The following DOCK1 variants were observed in gnomAD, a reference collection of about 807,000 sequenced individuals.
DOCK1 encodes the protein dedicator of cytokinesis protein 1.
DOCK1 carries 138 observed loss-of-function variants against 262.7 expected under a neutral mutation model. The ratio of observed to expected loss-of-function variants is 0.53; its 90% confidence interval spans 0.46 to 0.61. DOCK1 has a LOEUF of 0.61. Among genes scored for constraint, DOCK1 ranks in the 20% least tolerant of loss-of-function variants. DOCK1 has a pLI of 0.00. For missense variants in DOCK1, 1,908 were observed against 2,370.7 expected (o/e 0.80, Z 4.05); for synonymous variants, 866 against 867.4 (o/e 1.00, Z 0.03).
chr10:126,924,537 A>G (rs1418530080), intron 1 of DOCK1, among the ~76,000 whole-genome samples: 1 of 152,084 alleles, frequency 6.6e-6, no homozygotes, highest in African/African-American at 2.4e-5. Flanking sequence ...GCCTTAAAAA[A>G]GGCAAACGGC....
At chr10:127,120,791 G>T (rs2049508803) in intron 25 of DOCK1, among the ~76,000 whole-genome samples, 1 of 152,156 alleles carries the variant, frequency 6.6e-6, no homozygotes, top group African/African-American at 2.4e-5. Context: ...GATTTCACAT[G>T]CTCAGAAGTT....
At chr10:127,189,250 T>C (rs184585864) in intron 27 of DOCK1, among the ~76,000 whole-genome samples, 20 of 152,368 alleles carry the variant, frequency 1.3e-4, no homozygotes, top group African/African-American at 4.8e-4. Context: ...TCACTGACTC[T>C]TCAGATACAG....
At chr10:127,132,846 G>T (rs2050406416) in intron 27 of DOCK1, among the ~76,000 whole-genome samples, 1 of 152,140 alleles carries the variant, frequency 6.6e-6, no homozygotes, top group African/African-American at 2.4e-5. Context: ...TCTTTGGCCT[G>T]GATACACACG....
intron 47 of DOCK1, among the ~76,000 whole-genome samples, chr10:127,427,066 T>C (rs1162098654): frequency 6.6e-6 from 1 of 152,146 alleles, no homozygotes; most frequent in Non-Finnish European, 1.5e-5. Context: ...GCTCGGGAAC[T>C]GTGGAGACAC....
At chr10:127,328,972 G>A (rs11017345) in intron 29 of DOCK1, among the ~76,000 whole-genome samples, 7,328 of 151,300 alleles carry the variant, frequency 0.048, 214 homozygotes, top group Non-Finnish European at 0.072. Flanking sequence ...AACCACAATA[G>A]AAAAGAAAAA....
chr10:127,107,295 A>C (rs554224914), intron 24 of DOCK1, among the ~76,000 whole-genome samples: 2 of 152,176 alleles, frequency 1.3e-5, no homozygotes, highest in East Asian at 3.9e-4. Flanking sequence ...CTGAGCGGTG[A>C]AACGGAATAA....
chr10:127,042,665 T>A lies in DOCK1; in HGVS notation c.2051T>A (p.Met684Lys), dbSNP rs771868772. The change falls in exon 20 of 52, where the codon ATG (methionine) becomes AAG (lysine). Residue 684 changes from methionine (M) to lysine (K), a missense_variant. By Grantham distance (95) the Met-to-Lys change is moderately conservative. Transcript: ENST00000623213. ...TTGGATGCCCTCTTCAACATCATGA[T>A]GGAGAACTCAGAGAGTGAGACTTTT... Reference protein sequence around the residue: ...DTLDALFNIMMENSESETFDT... With the variant: ...DTLDALFNIMKENSESETFDT... 6.2e-7 allele frequency: 1 copy of A among 1,614,164 alleles called. No individual in the cohort carries two copies.
intron 1 of DOCK1, among the ~76,000 whole-genome samples, chr10:126,911,607 AGAGTTT>A (rs2031772762): frequency 6.6e-6 from 1 of 152,142 alleles, no homozygotes; most frequent in Admixed American, 6.5e-5. Flanking sequence ...AGGAGGGGTC[AGAGTTT>A]GAGTTTTAGC....
At chr10:127,319,327 G>A (rs1188135430) in intron 29 of DOCK1, among the ~76,000 whole-genome samples, 3 of 152,202 alleles carry the variant, frequency 2.0e-5, no homozygotes, top group African/African-American at 7.2e-5. Context: ...GAAAATGTAT[G>A]TGGGACAATG....
chr10:126,981,680 G>T (rs2038987571), intron 3 of DOCK1, among the ~76,000 whole-genome samples: 1 of 152,170 alleles, frequency 6.6e-6, no homozygotes, highest in African/African-American at 2.4e-5. Context: ...TATCTTTGTG[G>T]ACTTTTTCCT....
intron 29 of DOCK1, among the ~76,000 whole-genome samples, chr10:127,305,998 T>C (rs1422205560): frequency 1.3e-5 from 2 of 151,248 alleles, no homozygotes; most frequent in Non-Finnish European, 2.9e-5. Flanking sequence ...GTACGTTTTA[T>C]GCATTTTTTT....
chr10:127,050,980 CCTAT>C (rs1173392027), intron 21 of DOCK1, among the ~76,000 whole-genome samples: 9 of 151,908 alleles, frequency 5.9e-5, no homozygotes, highest in South Asian at 2.1e-4. Context: ...ATTAAAAAAA[CCTAT>C]CTATGAATTA....
chr10:126,986,018 G>C (rs1041226579), intron 4 of DOCK1, among the ~76,000 whole-genome samples: 2 of 151,894 alleles, frequency 1.3e-5, no homozygotes, highest in Non-Finnish European at 2.9e-5. Flanking sequence ...CTGATTTTTT[G>C]TATTTATTTA....
chr10:127,206,654 G>A (rs993570488), intron 27 of DOCK1, among the ~76,000 whole-genome samples: 3 of 152,100 alleles, frequency 2.0e-5, no homozygotes, highest in East Asian at 1.9e-4. Context: ...AGTAGAATCC[G>A]AGCTCAATAA....
rs946120520 is a variant in DOCK1, at chr10:126,930,515, C to T, written c.46+24952C>T. On this transcript the variant is annotated intron_variant, in intron 1 of 51. Coordinates refer to ENST00000623213, the MANE Select transcript of DOCK1 (RefSeq NM_001290223.2). ...TTCCCGGGTGGGTTGGCATGGGCGC[C>T]GGTGGTCCTCTTGGCCGCTTTGCTG... is the stretch of plus-strand genomic sequence containing the variant. Among the ~76,000 whole-genome samples the T allele has an allele frequency of 4.7e-3, 721 of 152,296 alleles. 6 individuals carry two copies. Among genetic ancestry groups the T allele is most frequent in the African/African-American group, 0.017 (689 of 41,578 alleles).
chr10:127,177,229 G>C (rs180833237), intron 27 of DOCK1: 66 of 152,228 alleles, frequency 4.3e-4, no homozygotes, highest in African/African-American at 1.5e-3. Flanking sequence ...AATGGTGGTG[G>C]TTTCAGTACT....
chr10:127,272,083 G>C (rs1471349759), intron 29 of DOCK1: 1 of 152,226 alleles, frequency 6.6e-6, no homozygotes, highest in African/African-American at 2.4e-5. Flanking sequence ...ATTACTTGCT[G>C]TTTTGTGGTC....
intron 29 of DOCK1, among the ~76,000 whole-genome samples, chr10:127,286,495 T>C (rs1336919838): frequency 6.6e-6 from 1 of 152,186 alleles, no homozygotes; most frequent in Admixed American, 6.5e-5. Flanking sequence ...ATAGTAGTTA[T>C]ACTATTACTA....
chr10:127,391,986 G>GA (rs1414991412), intron 38 of DOCK1, among the ~76,000 whole-genome samples: 1 of 116,342 alleles, frequency 8.6e-6, no homozygotes, highest in Non-Finnish European at 1.9e-5. Context: ...AGGCCCCTTA[G>GA]AGTAGGAATC....
Sources: allele counts gnomAD v4.1 joint callset (sites outside exome capture counted in the v4.1 genomes callset), GRCh38; gene constraint gnomAD v4.1.1; transcripts MANE v1.5; gene names NCBI Gene and HGNC (gene_info 2026-07-23, HGNC 2026-07-21).